The following UPF2 variants were observed in gnomAD, a reference collection of about 807,000 sequenced individuals.
The protein encoded by UPF2 is UPF2 regulator of nonsense mediated mRNA decay, also known as regulator of nonsense transcripts 2.
In UPF2, 17 loss-of-function variants were observed where a neutral mutation model predicts 141.4. The observed-to-expected ratio is 0.12, with a 90% confidence interval of 0.08 to 0.18. The LOEUF (loss-of-function observed/expected upper bound fraction) is 0.18. Among genes scored for constraint, UPF2 ranks in the 10% least tolerant of loss-of-function variants. UPF2 has a pLI of 1.00. For missense variants in UPF2, 1,152 were observed against 1,515.9 expected, an observed-to-expected ratio of 0.76 and a Z score of 3.99; for synonymous variants, 540 against 498.0, an observed-to-expected ratio of 1.08 and a Z score of -1.12.
intron 8 of UPF2, among the ~76,000 whole-genome samples, chr10:11,988,576 A>G (rs2131245293): frequency 6.6e-6 from 1 of 152,244 alleles, no homozygotes; most frequent in African/African-American, 2.4e-5. Flanking sequence ...AAGTGTTGGG[A>G]TTACAGGAGG....
chr10:12,023,510 TAA>T (rs762703531), intron 3 of UPF2, among the ~76,000 whole-genome samples: 20 of 117,234 alleles, frequency 1.7e-4, no homozygotes, highest in Admixed American at 4.5e-4. Flanking sequence ...CTGTCTCTAC[TAA>T]AAAAAAAAAA....
rs74116818 is a variant in UPF2 at position 12,013,968 on chromosome 10, G to A, written c.1306+56C>T. On this transcript the variant is annotated intron_variant, in intron 4 of 21. Transcript: ENST00000357604. The stretch of plus-strand genomic sequence containing the variant: ...ATACTGCACATCTGATAAGCCTAAA[G>A]GTAAGTGACAGTGCTTACAGAAAAC... 6.4e-3 allele frequency: 8,969 copies of A among 1,407,742 alleles called. 397 individuals carry two copies. In the African/African-American group the frequency reaches 0.1, roughly 16 times the overall value. 87.2% of individuals were successfully genotyped at this position (1,407,742 alleles called of 1,614,324 possible). A position where few individuals can be genotyped will look rare whatever the true frequency, so the allele number is the denominator to read the frequency against.
At chr10:11,972,959 ACT>A (rs1002222859) in intron 9 of UPF2, among the ~76,000 whole-genome samples, 8 of 152,214 alleles carry the variant, frequency 5.3e-5, no homozygotes, top group African/African-American at 1.9e-4. Flanking sequence ...GAATCGCCAC[ACT>A]GTCTTCCACA....
intron 8 of UPF2, among the ~76,000 whole-genome samples, chr10:11,981,502 G>C (rs1377550354): frequency 3.9e-5 from 6 of 152,102 alleles, no homozygotes; most frequent in Non-Finnish European, 8.8e-5. Flanking sequence ...TTTCTTTAAA[G>C]AAACAGCGAA....
At chr10:11,971,060 G>C (rs1833408963) in intron 9 of UPF2, among the ~76,000 whole-genome samples, 1 of 151,826 alleles carries the variant, frequency 6.6e-6, no homozygotes, top group Admixed American at 6.6e-5. Flanking sequence ...TAATTATTCT[G>C]AAATATTATA....
chr10:12,010,989 A>T (rs777549003), intron 4 of UPF2, among the ~76,000 whole-genome samples: 78 of 151,984 alleles, frequency 5.1e-4, no homozygotes, highest in Non-Finnish European at 6.2e-4. Context: ...TGAAAAAAAA[A>T]TTTTTTTTAA....
rs1160550582 is a variant in UPF2 at position 11,921,594 on chromosome 10, G to A, written c.3810-287C>T. ...AATGTAGAGATGATGTAAAGTACAC[G>A]GGAGGATGTGCATATGTTATACATA... On this transcript the variant is annotated intron_variant, in intron 21 of 21. Transcript: ENST00000357604. This position sits in a 1 kb window ranked among gnomAD's most constrained non-coding sequence, Gnocchi z 5.9. 2.0e-5 allele frequency among the ~76,000 whole-genome samples: 3 copies of A among 152,168 alleles called. No homozygotes were observed. Among genetic ancestry groups the A allele is most frequent in the African/African-American group, 4.8e-5 (2 of 41,442 alleles).
At chr10:12,002,817 C>G (rs898256280) in intron 5 of UPF2, among the ~76,000 whole-genome samples, 7 of 152,140 alleles carry the variant, frequency 4.6e-5, no homozygotes, top group African/African-American at 1.7e-4. Flanking sequence ...GTTCACTATA[C>G]CAGCCTTCTT....
At chr10:11,994,312 T>A (rs1833829885) in intron 8 of UPF2, among the ~76,000 whole-genome samples, 1 of 152,136 alleles carries the variant, frequency 6.6e-6, no homozygotes, top group Admixed American at 6.6e-5. Context: ...AGCTTTAAAA[T>A]AACGAACAAA....
At position 11,938,862 on chromosome 10, in the gene UPF2, T is replaced by TTTTG. The variant is rs1554774693; in HGVS notation, c.3379-2151_3379-2150insCAAA. Among the ~76,000 whole-genome samples, 76 of 79,844 alleles carry TTTTG rather than the reference T, an allele frequency of 9.5e-4. 1 individual carries two copies. Among genetic ancestry groups the TTTTG allele is most frequent in the Non-Finnish European group, 7.1e-4 (29 of 40,920 alleles). The allele number at this position is 79,844 out of a possible 152,430, so 52.4% of individuals were successfully genotyped here. A position where few individuals can be genotyped will look rare whatever the true frequency, so the allele number is the denominator to read the frequency against. On this transcript the variant is annotated intron_variant, in intron 18 of 21. Coordinates refer to ENST00000357604, the MANE Select transcript of UPF2 (RefSeq NM_015542.4). ...AGCAAGTTTTTTTTTTGTTTTTTTTTTTTTTTTTTTTTTTTTTTTTGGAGA... is the reference window on the plus strand; with the variant it reads ...AGCAAGTTTTTTTTTTGTTTTTTTTTTTTGTTTTTTTTTTTTTTTTTTTTGGAGA...
intron 21 of UPF2, 107 bp downstream of exon 21, chr10:11,929,758 T>C (rs189766680): frequency 2.7e-6 from 4 of 1,463,756 alleles, no homozygotes; most frequent in Middle Eastern, 1.9e-4. Context: ...TTTTCTATTT[T>C]GCTAAAAATC....
At chr10:11,949,381 C>T (rs114778542) in intron 15 of UPF2, among the ~76,000 whole-genome samples, 2,031 of 152,332 alleles carry the variant, frequency 0.013, 41 homozygotes, top group African/African-American at 0.042. Context: ...CCCATCCACT[C>T]TTCATGTTCA....
rs773787606 is a variant in UPF2, at chr10:11,956,947, A to G, written c.2371-424T>C. Among the ~76,000 whole-genome samples, 39 of 152,066 alleles carry G rather than the reference A, an allele frequency of 2.6e-4. No individual in the cohort carries two copies. Among genetic ancestry groups the G allele is most frequent in the African/African-American group, 7.0e-4 (29 of 41,404 alleles). On this transcript the variant is annotated intron_variant, in intron 12 of 21. Transcript: ENST00000357604. The surrounding 1 kb of genome is among the most constrained non-coding windows in gnomAD (Gnocchi z 4.2). Reference sequence around the variant, plus strand: ...GCAATCCTCCCACCTCAGTCCCCCAAATAGACTGGACTACAGGCATGCAAT... The same window carrying G: ...GCAATCCTCCCACCTCAGTCCCCCAGATAGACTGGACTACAGGCATGCAAT...
intron 4 of UPF2, among the ~76,000 whole-genome samples, chr10:12,012,042 A>C (rs1834136871): frequency 6.6e-6 from 1 of 152,034 alleles, no homozygotes; most frequent in Non-Finnish European, 1.5e-5. Flanking sequence ...AGGGGTAAAG[A>C]AACCACCTAA....
chr10:11,947,002 G>C (rs981924962), intron 16 of UPF2, among the ~76,000 whole-genome samples: 12 of 152,246 alleles, frequency 7.9e-5, no homozygotes, highest in African/African-American at 2.9e-4. Flanking sequence ...AGGAGTTCGA[G>C]ATTAGGTTGG....
In UPF2 at chr10:11,971,176, G is replaced by A. The variant is rs76521633; in HGVS notation, c.1954-3722C>T. ...TCCCTCATTTTCAGATGAGAAAACTGAAGGCGTTTTAAAAGGTTGTAACTT... is the reference window on the plus strand; with the variant it reads ...TCCCTCATTTTCAGATGAGAAAACTAAAGGCGTTTTAAAAGGTTGTAACTT... On this transcript the variant is annotated intron_variant, in intron 9 of 21. Transcript: ENST00000357604. Among the ~76,000 whole-genome samples the A allele has an allele frequency of 1.8e-3, 271 of 151,944 alleles. 11 individuals are homozygous for A. The East Asian group carries it at 0.047, about 27-fold the overall frequency.
chr10:11,954,014 T>C (rs1833110156), intron 14 of UPF2, among the ~76,000 whole-genome samples: 1 of 152,230 alleles, frequency 6.6e-6, no homozygotes, highest in African/African-American at 2.4e-5. Flanking sequence ...CACCACTTAG[T>C]AAAACTTAAA....
At chr10:11,993,317 G>A (rs1197853260) in intron 8 of UPF2, among the ~76,000 whole-genome samples, 2 of 151,994 alleles carry the variant, frequency 1.3e-5, no homozygotes, top group African/African-American at 4.8e-5. Context: ...TAACACAACA[G>A]TAATATACAG....
chr10:12,028,839 G>T lies in UPF2; in HGVS notation c.1051C>A (p.Pro351Thr), dbSNP rs1834465429. 2 of 1,614,116 alleles carry T rather than the reference G, an allele frequency of 1.2e-6. No homozygotes were observed. The highest frequency in any genetic ancestry group is 1.7e-6 in the Non-Finnish European group (2 of 1,180,012). The change falls in exon 3 of 22, where the codon CCC (proline) becomes ACC (threonine). Residue 351 changes from proline to threonine, a missense_variant. Transcript: ENST00000357604. ...TACTCTTTTAAAAGATTCTGGAAGG[G>T]CTGTTGTTTCTCTGGACTAATTATC... Reference protein sequence around the residue: ...SEIISPEKQQPFQNLLKEYFT... With the variant: ...SEIISPEKQQTFQNLLKEYFT...
Sources: allele counts gnomAD v4.1 joint callset (sites outside exome capture counted in the v4.1 genomes callset), GRCh38; gene constraint gnomAD v4.1.1; non-coding constraint Gnocchi (gnomAD v3.1); transcripts MANE v1.5; gene names NCBI Gene and HGNC (gene_info 2026-07-23, HGNC 2026-07-21).